Variants in G2E3 observed in about 807,000 individuals in gnomAD.
The protein encoded by G2E3 is G2/M-phase specific E3 ubiquitin protein ligase, also known as G2/M phase-specific E3 ubiquitin-protein ligase.
Under a neutral mutation model 92.8 loss-of-function variants are expected in G2E3, and 35 were observed. That is an observed-to-expected ratio of 0.38 (90% CI 0.29 to 0.50). G2E3 has a LOEUF of 0.50. Ranked by LOEUF, G2E3 falls within the 20% of genes least tolerant of loss-of-function variation. G2E3 has a pLI of 0.94. For synonymous variants in G2E3, 242 were observed against 272.4 expected (o/e 0.89, Z 1.10); for missense variants, 554 against 823.8 (o/e 0.67, Z 4.01).
chr14:30,591,649 C>G (rs1472447091), intron 4 of G2E3, among the ~76,000 whole-genome samples: 2 of 152,132 alleles, frequency 1.3e-5, no homozygotes, highest in Non-Finnish European at 2.9e-5. Flanking sequence ...AGGCCTTTCT[C>G]TGTATATGCC....
At chr14:30,585,891 A>G (rs985690753) in intron 2 of G2E3, among the ~76,000 whole-genome samples, 11 of 152,158 alleles carry the variant, frequency 7.2e-5, no homozygotes, top group African/African-American at 2.7e-4. Flanking sequence ...GAGTATGTGT[A>G]CATCTCTGGG....
intron 1 of G2E3, among the ~76,000 whole-genome samples, chr14:30,577,070 C>T (rs1318754005): frequency 2.6e-5 from 4 of 151,752 alleles, no homozygotes; most frequent in East Asian, 1.9e-4. Context: ...ACTAAAAATA[C>T]AAAAATTAGC....
In G2E3 at chr14:30,586,733, G is replaced by A. The variant is rs370229233; in HGVS notation, c.53G>A (p.Arg18Gln). 3.8e-4 allele frequency: 521 copies of A among 1,368,432 alleles called. No homozygotes were observed. The highest frequency in any genetic ancestry group is 5.1e-4 in the Non-Finnish European group (509 of 1,002,478). 84.8% of individuals were successfully genotyped at this position (1,368,432 alleles called of 1,614,324 possible). ...DSQNLACVFC[R>Q]KHDDCPNKYG... is the part of the protein sequence containing the mutation. Reference sequence around the variant, plus strand: ...TCACTGTTAGCTTGTGTTTTCTGTCGAAAACATGATGACTGTCCTAATAAA... The same window carrying A: ...TCACTGTTAGCTTGTGTTTTCTGTCAAAAACATGATGACTGTCCTAATAAA... The change falls in exon 3 of 15, where the codon CGA becomes CAA. Residue 18 changes from arginine to glutamine, a missense_variant. This residue lies in a region of G2E3 where 137 missense variants were observed against 201.3 expected (regional missense o/e 0.68). Transcript: ENST00000206595.
At chr14:30,560,689 G>A in intron 1 of G2E3, 1 of 628,348 alleles carries the variant, frequency 1.6e-6, no homozygotes, top group Non-Finnish European at 2.8e-6. Flanking sequence ...TTGGATTTTT[G>A]CTCTTTCTTA....
At chr14:30,565,645 C>T (rs1362219784) in intron 1 of G2E3, among the ~76,000 whole-genome samples, 7 of 108,980 alleles carry the variant, frequency 6.4e-5, no homozygotes, top group African/African-American at 1.8e-4. Flanking sequence ...GGTTCAACTT[C>T]ATTCCTTTTT....
At chr14:30,594,155 A>G (rs895553165) in intron 6 of G2E3, among the ~76,000 whole-genome samples, 8 of 152,208 alleles carry the variant, frequency 5.3e-5, no homozygotes, top group African/African-American at 1.7e-4. Flanking sequence ...CCTTATTACT[A>G]CTTTTCAAGT....
intron 4 of G2E3, among the ~76,000 whole-genome samples, chr14:30,590,077 C>T (rs1259127467): frequency 2.6e-5 from 4 of 152,082 alleles, no homozygotes; most frequent in South Asian, 2.1e-4. Flanking sequence ...ATAACAGCCA[C>T]TATGCTGTAT....
chr14:30,580,089 GCA>G (rs1880343356), intron 1 of G2E3, among the ~76,000 whole-genome samples: 1 of 152,182 alleles, frequency 6.6e-6, no homozygotes, highest in African/African-American at 2.4e-5. Context: ...AAATGGTTGA[GCA>G]CTACCGTACT....
rs1879078620 is a variant in G2E3, at chr14:30,561,195, T to C, written c.-5+1923T>C. On this transcript the variant is annotated intron_variant, in intron 1 of 14. Transcript: ENST00000206595. ...TCACATACATTCTCTCATTAATCTT[T>C]ACAATATCGCTGAGGTAGTTACTAT... is the stretch of plus-strand genomic sequence containing the variant. 2.0e-5 allele frequency among the ~76,000 whole-genome samples: 3 copies of C among 152,234 alleles called. No individual in the cohort carries two copies. The South Asian group carries it at 6.2e-4, about 32-fold the overall frequency.
intron 4 of G2E3, among the ~76,000 whole-genome samples, chr14:30,589,892 G>A (rs1880910097): frequency 6.6e-6 from 1 of 152,064 alleles, no homozygotes; most frequent in Non-Finnish European, 1.5e-5. Context: ...AGATTGGAAT[G>A]TTGGGTTGAG....
chr14:30,593,006 A>G (rs1881096261), intron 5 of G2E3, among the ~76,000 whole-genome samples: 2 of 152,142 alleles, frequency 1.3e-5, no homozygotes, highest in African/African-American at 4.8e-5. Context: ...GATTGTTATC[A>G]TGTAAGAAAA....
intron 2 of G2E3, among the ~76,000 whole-genome samples, chr14:30,583,593 G>A (rs1397746930): frequency 6.6e-6 from 1 of 152,172 alleles, no homozygotes; most frequent in Non-Finnish European, 1.5e-5. Context: ...GAGATCTGTT[G>A]TACAACATGG....
chr14:30,602,207 A>G (rs535115003), intron 10 of G2E3, 76 bp downstream of exon 10: 196 of 1,138,342 alleles, frequency 1.7e-4, no homozygotes, highest in Non-Finnish European at 2.1e-4. Flanking sequence ...ATATACATTT[A>G]GAATATTAGG....
Position 30,617,020 on chromosome 14 carries a change from T to A in G2E3, c.*486T>A, listed in dbSNP as rs1882344664. On this transcript the variant is annotated 3_prime_UTR_variant, in exon 15 of 15. Coordinates refer to ENST00000206595, the MANE Select transcript of G2E3 (RefSeq NM_017769.5). ...TCAGAGTCATATATTCTGGGATTTG[T>A]GTTACTATGCATACTTTTCTAGGAT... 1 of 152,648 alleles carries A rather than the reference T, an allele frequency of 6.6e-6. No homozygotes were observed. The highest frequency in any genetic ancestry group is 1.5e-5 in the Non-Finnish European group (1 of 68,364). 9.5% of individuals were successfully genotyped at this position (152,648 alleles called of 1,614,324 possible).
chr14:30,599,048 G>GT (rs964534485), intron 8 of G2E3, among the ~76,000 whole-genome samples: 1 of 152,128 alleles, frequency 6.6e-6, no homozygotes, highest in Non-Finnish European at 1.5e-5. Flanking sequence ...GACAGGTTTG[G>GT]TTTTTTCTGA....
chr14:30,591,817 G>A (rs1011406946), intron 4 of G2E3, among the ~76,000 whole-genome samples: 1 of 152,106 alleles, frequency 6.6e-6, no homozygotes, highest in Non-Finnish European at 1.5e-5. Flanking sequence ...CTGGGAGTCG[G>A]GACCTGAGCA....
At chr14:30,607,835 G>A in intron 11 of G2E3, 53 bp from the exon 12 acceptor site, 3 of 914,410 alleles carry the variant, frequency 3.3e-6, no homozygotes, top group Non-Finnish European at 4.9e-6. Flanking sequence ...AAAAATGATG[G>A]TTATCTTATA....
chr14:30,593,808 C>T (rs906428627), intron 6 of G2E3, among the ~76,000 whole-genome samples, 169 bp downstream of exon 6: 1 of 151,996 alleles, frequency 6.6e-6, no homozygotes, highest in African/African-American at 2.4e-5. Flanking sequence ...CAAAATTCAC[C>T]CTATTTAAGT....
At chr14:30,596,136 G>A (rs1441308334) in intron 6 of G2E3, among the ~76,000 whole-genome samples, 2 of 9,728 alleles carry the variant, frequency 2.1e-4, no homozygotes, top group African/African-American at 3.8e-4. Context: ...GTGGGTGTGC[G>A]TGTGTGTGTG....
Sources: gnomAD v4.1 joint callset for allele counts (sites outside exome capture counted in the v4.1 genomes callset) on GRCh38, gnomAD v4.1.1 for gene constraint, gnomAD v4.1.1 regional missense constraint, MANE v1.5 for transcripts, NCBI Gene and HGNC (gene_info 2026-07-23, HGNC 2026-07-21) for gene names.